Variants in ASAP1 observed in about 807,000 individuals in gnomAD.
ASAP1 encodes ArfGAP with SH3 domain, ankyrin repeat and PH domain 1, also known as arf-GAP with SH3 domain, ANK repeat and PH domain-containing protein 1.
A neutral mutation model predicts 145.2 loss-of-function variants in ASAP1; 43 were observed. That is an observed-to-expected ratio of 0.30 (90% CI 0.23 to 0.38). The LOEUF is 0.38. ASAP1 is among the 10% of genes least tolerant of loss of function. ASAP1 has a pLI of 1.00. For missense variants in ASAP1, 1,018 were observed against 1,355.3 expected, an observed-to-expected ratio of 0.75 and a Z score of 3.91; for synonymous variants, 546 against 515.5, an observed-to-expected ratio of 1.06 and a Z score of -0.80.
chr8:130,082,853 T>G (rs1405417056), intron 25 of ASAP1: 1 of 151,514 alleles, frequency 6.6e-6, no homozygotes, highest in African/African-American at 2.4e-5. Context: ...CCACTGCACC[T>G]AGCCTGGTAG....
intron 4 of ASAP1, among the ~76,000 whole-genome samples, chr8:130,217,239 A>G (rs1380997051): frequency 6.6e-6 from 1 of 152,170 alleles, no homozygotes; most frequent in African/African-American, 2.4e-5. Context: ...GGAGGCCCAC[A>G]GTAGATGCAT....
chr8:130,197,045 C>G (rs542724997), intron 5 of ASAP1, among the ~76,000 whole-genome samples: 2 of 152,236 alleles, frequency 1.3e-5, no homozygotes, highest in South Asian at 4.1e-4. Context: ...TCACTCCCGG[C>G]CTGCGTGAAC....
intron 5 of ASAP1, among the ~76,000 whole-genome samples, chr8:130,209,081 A>G (rs1236804242): frequency 6.6e-6 from 1 of 152,228 alleles, no homozygotes; most frequent in East Asian, 1.9e-4. Context: ...AGTGGCTATT[A>G]ATACCATAGT....
At chr8:130,166,416 T>A (rs2097679968) in intron 11 of ASAP1, among the ~76,000 whole-genome samples, 1 of 152,174 alleles carries the variant, frequency 6.6e-6, no homozygotes, top group South Asian at 2.1e-4. Context: ...CGTCCCTTAG[T>A]ACAACACCCA....
At chr8:130,233,959 A>G (rs181319835) in intron 4 of ASAP1, among the ~76,000 whole-genome samples, 10 of 152,266 alleles carry the variant, frequency 6.6e-5, no homozygotes, top group African/African-American at 1.7e-4. Context: ...GCAAGTTAGA[A>G]TCAGCTGGGG....
intron 7 of ASAP1, among the ~76,000 whole-genome samples, chr8:130,185,729 C>CA (rs778486303): frequency 0.26 from 14,781 of 56,752 alleles, 1,517 homozygotes; most frequent in South Asian, 0.38. Flanking sequence ...AACTCCGCCT[C>CA]AAAAAAAAAA....
At chr8:130,301,882 A>T (rs1177427838) in intron 3 of ASAP1, among the ~76,000 whole-genome samples, 3 of 152,216 alleles carry the variant, frequency 2.0e-5, no homozygotes, top group Non-Finnish European at 4.4e-5. Flanking sequence ...ATTCTAAGTA[A>T]AGCTTGCATA....
At chr8:130,256,739 T>TTATATATGTATA (rs1554860125) in intron 3 of ASAP1, among the ~76,000 whole-genome samples, 1 of 95,904 alleles carries the variant, frequency 1.0e-5, no homozygotes, top group African/African-American at 4.5e-5. Context: ...ATACACATTC[T>TTATATATGTATA]TATATATATA....
chr8:130,387,749 A>C (rs1411125524), intron 2 of ASAP1, among the ~76,000 whole-genome samples: 6 of 152,088 alleles, frequency 3.9e-5, no homozygotes. Context: ...GGATTCTACA[A>C]ATAACAGGCC....
intron 3 of ASAP1, among the ~76,000 whole-genome samples, chr8:130,332,435 A>G (rs1824753041): frequency 6.6e-6 from 1 of 152,186 alleles, no homozygotes. Flanking sequence ...TGATTATGTC[A>G]TTGTACTTTA....
At chr8:130,170,223 G>T (rs1360522875) in intron 9 of ASAP1, among the ~76,000 whole-genome samples, 1 of 150,928 alleles carries the variant, frequency 6.6e-6, no homozygotes, top group Non-Finnish European at 1.5e-5. Flanking sequence ...GTCTCTCTTC[G>T]TTGCCCAGGC....
chr8:130,203,674 G>A (rs1158451330), intron 5 of ASAP1, among the ~76,000 whole-genome samples: 1 of 152,224 alleles, frequency 6.6e-6, no homozygotes, highest in Non-Finnish European at 1.5e-5. Flanking sequence ...GGAAGGGAAT[G>A]TGGAGTGGAA....
At position 130,116,872 on chromosome 8, in the gene ASAP1, A is replaced by G. The variant is rs1488341492; in HGVS notation, c.1996+8T>C. The G allele has an allele frequency of 6.2e-7, 1 of 1,608,818 alleles. No homozygotes were observed. The highest frequency in any genetic ancestry group is 8.5e-7 in the Non-Finnish European group (1 of 1,175,762). ...CTACAGTCATGAAGACACTAGACAC[A>G]CTCTTACCTATATCCACAGTGGGCT... On this transcript the variant is annotated splice_region_variant and intron_variant, in intron 21 of 29. Coordinates refer to ENST00000518721, the MANE Select transcript of ASAP1 (RefSeq NM_018482.4).
At chr8:130,058,502 G>A (rs907736201) in intron 28 of ASAP1, among the ~76,000 whole-genome samples, 1 of 152,218 alleles carries the variant, frequency 6.6e-6, no homozygotes, top group Non-Finnish European at 1.5e-5. Flanking sequence ...CATAATGAAT[G>A]TGCAGCATAA....
In ASAP1 at chr8:130,159,026, C is replaced by T. The variant is rs145232555; in HGVS notation, c.1010+838G>A. Among the ~76,000 whole-genome samples, 1,023 of 152,102 alleles carry T rather than the reference C, an allele frequency of 6.7e-3. 11 individuals carry two copies. The highest frequency in any genetic ancestry group is 0.023 in the African/African-American group (965 of 41,520). ...GATTACAGGCGTGAGCCACCGCGCC[C>T]GGCTGTGCTTTATGATTTTTAAAAG... On this transcript the variant is annotated intron_variant, in intron 12 of 29. Transcript: ENST00000518721.
At chr8:130,120,778 T>C (rs1481281343) in intron 18 of ASAP1, among the ~76,000 whole-genome samples, 9 of 152,196 alleles carry the variant, frequency 5.9e-5, no homozygotes, top group Non-Finnish European at 1.5e-5. Flanking sequence ...ATAGGAAGTA[T>C]CTGGCCTCTT....
chr8:130,236,833 C>A, intron 4 of ASAP1, 89 bp downstream of exon 4: 2 of 973,552 alleles, frequency 2.1e-6, no homozygotes, highest in Non-Finnish European at 2.9e-6. Context: ...TGTCAAGTTT[C>A]CTATAAACTT....
chr8:130,062,486 G>A lies in ASAP1; in HGVS notation c.2702-1417C>T, dbSNP rs186803162. Among the ~76,000 whole-genome samples, 372 of 152,236 alleles carry A rather than the reference G, an allele frequency of 2.4e-3. 1 individual carries two copies. The highest frequency in any genetic ancestry group is 4.0e-3 in the Non-Finnish European group (272 of 68,018). ...CTAAAAGTTAATTTACATGAATCTCGTTCCTCTCTTGGAAGTCTGAAATTG... is the reference window on the plus strand; with the variant it reads ...CTAAAAGTTAATTTACATGAATCTCATTCCTCTCTTGGAAGTCTGAAATTG... On this transcript the variant is annotated intron_variant, in intron 27 of 29. Transcript: ENST00000518721.
At chr8:130,284,679 G>C (rs193234807) in intron 3 of ASAP1, among the ~76,000 whole-genome samples, 3 of 151,992 alleles carry the variant, frequency 2.0e-5, no homozygotes, top group Non-Finnish European at 4.4e-5. Flanking sequence ...CTGGGAGGGA[G>C]GGGTAATTTA....
Sources: allele counts gnomAD v4.1 joint callset (sites outside exome capture counted in the v4.1 genomes callset), GRCh38; gene constraint gnomAD v4.1.1; transcripts MANE v1.5; gene names NCBI Gene and HGNC (gene_info 2026-07-23, HGNC 2026-07-21).